Variants in TPH2 observed in about 807,000 individuals in gnomAD.
TPH2 encodes the protein tryptophan 5-hydroxylase 2.
Under a neutral mutation model 59.1 loss-of-function variants are expected in TPH2, and 27 were observed. The observed-to-expected ratio is 0.46, with a 90% CI of 0.34 to 0.63. The LOEUF (loss-of-function observed/expected upper bound fraction) is 0.63. TPH2 is among the 30% of genes least tolerant of loss of function. TPH2 has a pLI of 0.01. For synonymous variants in TPH2, 220 were observed against 210.5 expected, an observed-to-expected ratio of 1.05 and a Z score of -0.39; for missense variants, 523 against 588.3, an observed-to-expected ratio of 0.89 and a Z score of 1.15.
At chr12:71,942,145 T>C (rs1327265833) in intron 2 of TPH2, among the ~76,000 whole-genome samples, 1 of 152,218 alleles carries the variant, frequency 6.6e-6, no homozygotes, top group African/African-American at 2.4e-5. Context: ...CTGAGATACA[T>C]GAATATAGGC....
At chr12:71,964,497 T>C (rs531104285) in intron 5 of TPH2, 1 of 982,230 alleles carries the variant, frequency 1.0e-6, no homozygotes, top group African/African-American at 1.7e-5. Context: ...GCAGAATATA[T>C]ATATATATTC....
In TPH2 at chr12:71,941,587, A is replaced by T; in HGVS notation, c.109A>T (p.Asn37Tyr). The T allele has an allele frequency of 6.2e-7, 1 of 1,613,886 alleles. No homozygotes were observed. Among genetic ancestry groups the T allele is most frequent in the South Asian group, 1.1e-5 (1 of 91,078 alleles). Residue 37 changes from asparagine to tyrosine, a missense_variant, in exon 2 of 11, where the codon AAT becomes TAT. By Grantham distance (143) the Asn-to-Tyr change is moderately radical. Transcript: ENST00000333850. Reference protein sequence around the residue: ...EHQLLGSSTLNKPNSGKNDDK... With the variant: ...EHQLLGSSTLYKPNSGKNDDK... ...TTATGCTTCGACATTCCTGAAGCTAAATAAACCTAACTCTGGCAAAAATGA... is the reference window on the plus strand; with the variant it reads ...TTATGCTTCGACATTCCTGAAGCTATATAAACCTAACTCTGGCAAAAATGA...
intron 5 of TPH2, among the ~76,000 whole-genome samples, chr12:71,949,974 C>T (rs1004332227): frequency 6.6e-6 from 1 of 152,032 alleles, no homozygotes; most frequent in Non-Finnish European, 1.5e-5. Flanking sequence ...TTACTTTAGC[C>T]TTGACTTTTC....
intron 5 of TPH2, among the ~76,000 whole-genome samples, chr12:71,967,317 C>G (rs1871844703): frequency 6.6e-6 from 1 of 152,184 alleles, no homozygotes; most frequent in African/African-American, 2.4e-5. Flanking sequence ...CAGACAGATG[C>G]CTCCCACAGC....
At chr12:72,000,988 C>T (rs565379815) in intron 8 of TPH2, among the ~76,000 whole-genome samples, 1 of 152,322 alleles carries the variant, frequency 6.6e-6, no homozygotes, top group African/African-American at 2.4e-5. Flanking sequence ...AACAGTACAT[C>T]CCATCCTATG....
chr12:71,996,360 A>T (rs1872695325), intron 8 of TPH2, among the ~76,000 whole-genome samples: 1 of 152,246 alleles, frequency 6.6e-6, no homozygotes, highest in East Asian at 1.9e-4. Flanking sequence ...GACTCATTTC[A>T]GCCCACGCTC....
In TPH2 at chr12:71,962,965, C is replaced by T. The variant is rs1332361807; in HGVS notation, c.609-9554C>T. On this transcript the variant is annotated intron_variant, in intron 5 of 10. Coordinates refer to ENST00000333850, the MANE Select transcript of TPH2 (RefSeq NM_173353.4). ...ACCCCCTGACCTCAGGTGATCCACC[C>T]GCCTCGGCCTCCCAGAGTGCCGGGA... 5.7e-5 allele frequency among the ~76,000 whole-genome samples: 3 copies of T among 52,888 alleles called. 1 individual carries two copies. Among genetic ancestry groups the T allele is most frequent in the Non-Finnish European group, 9.7e-5 (2 of 20,596 alleles). The allele number at this position is 52,888 out of a possible 152,430, so 34.7% of individuals were successfully genotyped here.
At chr12:72,028,488 T>C (rs1421829673) in intron 9 of TPH2, among the ~76,000 whole-genome samples, 1 of 152,140 alleles carries the variant, frequency 6.6e-6, no homozygotes, top group East Asian at 1.9e-4. Flanking sequence ...GGACACACTG[T>C]AGTATTCAGA....
At position 71,979,057 on chromosome 12, in the gene TPH2, A is replaced by T; in HGVS notation, c.911A>T (p.His304Leu). The change falls in exon 7 of 11, where the codon CAT becomes CTT. Residue 304 changes from histidine (H) to leucine (L), a missense_variant. Physicochemically the swap from His to Leu is moderately conservative, Grantham distance 99 (BLOSUM62 -3). Coordinates refer to ENST00000333850, the MANE Select transcript of TPH2 (RefSeq NM_173353.4). ...TTCCACTGTACCCAGTACATCCGGCATGGCTCAGATCCCCTCTACACCCCA... is the reference window on the plus strand; with the variant it reads ...TTCCACTGTACCCAGTACATCCGGCTTGGCTCAGATCCCCTCTACACCCCA... ...RVFHCTQYIR[H>L]GSDPLYTPEP... The T allele has an allele frequency of 2.5e-6, 4 of 1,614,142 alleles. No individual in the cohort carries two copies. Among genetic ancestry groups the T allele is most frequent in the Non-Finnish European group, 3.4e-6 (4 of 1,180,012 alleles).
chr12:71,989,948 G>T (rs1437204145), intron 7 of TPH2, among the ~76,000 whole-genome samples: 57 of 13,390 alleles, frequency 4.3e-3, no homozygotes, highest in African/African-American at 9.0e-3. Flanking sequence ...ATCAGCTCTT[G>T]GTTTTTTTTT....
chr12:72,020,391 G>A (rs11179056), intron 8 of TPH2, among the ~76,000 whole-genome samples: 11,808 of 152,284 alleles, frequency 0.078, 585 homozygotes, highest in East Asian at 0.19. Context: ...TCTATGTAAA[G>A]AAGTGTTTCA....
At chr12:71,972,850 A>ATTT in intron 6 of TPH2, 135 bp downstream of exon 6, 1 of 938,678 alleles carries the variant, frequency 1.1e-6, no homozygotes, top group Non-Finnish European at 1.6e-6. Flanking sequence ...TGAGCCAACA[A>ATTT]TTACCTGCGG....
intron 5 of TPH2, among the ~76,000 whole-genome samples, chr12:71,969,117 A>T (rs1297469557): frequency 6.6e-6 from 1 of 152,098 alleles, no homozygotes. Context: ...CCCCATCTCT[A>T]CTAAAAATAC....
chr12:71,957,073 G>T (rs542177062), intron 5 of TPH2, among the ~76,000 whole-genome samples: 1 of 152,078 alleles, frequency 6.6e-6, no homozygotes. Flanking sequence ...TTGAATTCCC[G>T]CTCTACCACT....
At position 71,980,283 on chromosome 12, in the gene TPH2, G is replaced by A. The variant is rs1872239086; in HGVS notation, c.941+1196G>A. On this transcript the variant is annotated intron_variant, in intron 7 of 10. Coordinates refer to ENST00000333850, the MANE Select transcript of TPH2 (RefSeq NM_173353.4). ...CCCACTGTTCTTCAGGCCACTCAGG[G>A]TATCGCTTTGCTTATGATGCTGCTT... Among the ~76,000 whole-genome samples the A allele has an allele frequency of 2.0e-5, 3 of 152,096 alleles. No individual in the cohort carries two copies. In the South Asian group the frequency reaches 6.2e-4, roughly 32 times the overall value.
chr12:71,944,078 GC>G (rs1388986528), intron 2 of TPH2, among the ~76,000 whole-genome samples: 1 of 151,886 alleles, frequency 6.6e-6, no homozygotes, highest in Non-Finnish European at 1.5e-5. Context: ...TTTTTATGAG[GC>G]AGGACAACCT....
rs1008863063 is a variant in TPH2, at chr12:72,001,834, T to A, written c.1068+7269T>A. Among the ~76,000 whole-genome samples the A allele has an allele frequency of 5.9e-5, 9 of 152,208 alleles. No homozygotes were observed. In the East Asian group the frequency reaches 1.5e-3, roughly 26 times the overall value. ...TTAATTTAATAGTGGCTTTTTTTTT[T>A]AGAGGGAAAAGATTCAGCTAGCTAA... On this transcript the variant is annotated intron_variant, in intron 8 of 10. Transcript: ENST00000333850.
chr12:72,016,489 G>T (rs1039098539), intron 8 of TPH2, among the ~76,000 whole-genome samples: 5 of 152,062 alleles, frequency 3.3e-5, no homozygotes, highest in African/African-American at 1.2e-4. Context: ...ACCTGAGGGA[G>T]TATCTTATAA....
At chr12:71,950,999 A>G (rs973021197) in intron 5 of TPH2, among the ~76,000 whole-genome samples, 3 of 152,156 alleles carry the variant, frequency 2.0e-5, no homozygotes, top group South Asian at 2.1e-4. Flanking sequence ...CTTAAAAACC[A>G]GGACCACATG....
Sources: gnomAD v4.1 joint callset for allele counts (sites outside exome capture counted in the v4.1 genomes callset) on GRCh38, gnomAD v4.1.1 for gene constraint, MANE v1.5 for transcripts, NCBI Gene and HGNC (gene_info 2026-07-23, HGNC 2026-07-21) for gene names.